NPAT: variants seen among roughly 807,000 people sequenced by gnomAD.
NPAT encodes nuclear protein, coactivator of histone transcription, also known as protein NPAT.
Under a neutral mutation model 130.7 loss-of-function variants are expected in NPAT, and 52 were observed. The observed-to-expected ratio is 0.40, with a 90% CI of 0.32 to 0.50. NPAT has a LOEUF of 0.50. Ranked by LOEUF, NPAT falls within the 20% of genes least tolerant of loss-of-function variation. The pLI, the probability that NPAT is intolerant of heterozygous loss-of-function variation, is 0.68. For synonymous variants in NPAT, 580 were observed against 584.8 expected (o/e 0.99, Z 0.12); for missense variants, 1,687 against 1,662.6 (o/e 1.01, Z -0.26).
Position 108,158,545 on chromosome 11 carries a change from C to CA in NPAT, c.*396dup. On this transcript the variant is annotated 3_prime_UTR_variant, in exon 18 of 18. Coordinates refer to ENST00000278612, the MANE Select transcript of NPAT (RefSeq NM_002519.3). ...TATAAGAATAAGCATCATTTTCCTC[C>CA]AAAACAAGTGAGAAACTATTCCAGA... 1 of 162,982 alleles carries CA rather than the reference C, an allele frequency of 6.1e-6. No homozygotes were observed. The highest frequency in any genetic ancestry group is 2.4e-5 in the African/African-American group (1 of 41,572). 10.1% of individuals were successfully genotyped at this position (162,982 alleles called of 1,614,324 possible).
chr11:108,197,645 TA>T (rs2078236071), intron 1 of NPAT, among the ~76,000 whole-genome samples: 1 of 152,172 alleles, frequency 6.6e-6, no homozygotes, highest in African/African-American at 2.4e-5. Context: ...GCTAAACTAG[TA>T]AAATAAAGTG....
At chr11:108,212,629 A>AAAC (rs544637765) in intron 1 of NPAT, among the ~76,000 whole-genome samples, 81 of 151,824 alleles carry the variant, frequency 5.3e-4, no homozygotes, top group Non-Finnish European at 7.1e-4. Context: ...AAGCCATAAA[A>AAAC]AACAACAACA....
intron 10 of NPAT, among the ~76,000 whole-genome samples, chr11:108,184,668 T>A (rs2134855222): frequency 6.6e-6 from 1 of 152,248 alleles, no homozygotes; most frequent in Admixed American, 6.5e-5. Flanking sequence ...GCTGCTGGGA[T>A]AACAAGCATG....
At chr11:108,194,082 A>T in intron 2 of NPAT, 65 bp from the exon 3 acceptor site, 1 of 878,458 alleles carries the variant, frequency 1.1e-6, no homozygotes, top group Non-Finnish European at 1.9e-6. Flanking sequence ...CTCACAAGAA[A>T]AGATTCTACC....
At chr11:108,199,381 G>A (rs545221146) in intron 1 of NPAT, among the ~76,000 whole-genome samples, 1 of 152,320 alleles carries the variant, frequency 6.6e-6, no homozygotes, top group South Asian at 2.1e-4. Context: ...GGGCAGAGAG[G>A]GCCCAGCAAT....
chr11:108,193,452 G>A (rs1202568506), intron 3 of NPAT, among the ~76,000 whole-genome samples: 1 of 152,130 alleles, frequency 6.6e-6, no homozygotes, highest in Non-Finnish European at 1.5e-5. Flanking sequence ...ATGGCTGGGG[G>A]CAGTGGCTCA....
At chr11:108,200,908 C>A (rs571864537) in intron 1 of NPAT, among the ~76,000 whole-genome samples, 2 of 152,342 alleles carry the variant, frequency 1.3e-5, no homozygotes, top group South Asian at 2.1e-4. Flanking sequence ...TACACCCCAA[C>A]TGCCAGTATT....
rs369721514 is a variant in NPAT at position 108,173,832 on chromosome 11, G to A, written c.1152C>T (p.Pro384=). 2.8e-5 allele frequency: 45 copies of A among 1,614,088 alleles called. No homozygotes were observed. Among genetic ancestry groups the A allele is most frequent in the East Asian group, 2.2e-4 (10 of 44,880 alleles). The change falls in exon 13 of 18, where the codon CCC becomes CCT. Residue 384 remains proline (P), a synonymous_variant. Transcript: ENST00000278612. ...CATTCTGATAGGATGTACAAAAAGC[G>A]GGCTGACCAGACTGACCATCTGCAA... is the stretch of plus-strand genomic sequence containing the variant. ...TEESDGQSGQ[P]AFCTSYQNDD... is the part of the protein sequence containing the mutation.
chr11:108,187,351 C>G (rs1314910742), intron 7 of NPAT, among the ~76,000 whole-genome samples: 2 of 152,078 alleles, frequency 1.3e-5, no homozygotes, highest in African/African-American at 2.4e-5. Flanking sequence ...ACTGGGGAGG[C>G]TAAGGTGGGA....
At chr11:108,214,831 C>T (rs1489048830) in intron 1 of NPAT, among the ~76,000 whole-genome samples, 3 of 152,074 alleles carry the variant, frequency 2.0e-5, no homozygotes, top group Non-Finnish European at 4.4e-5. Context: ...TGGGGTTTTG[C>T]CATGTTGGCC....
At chr11:108,163,138 G>A (rs1164590475) in intron 15 of NPAT, among the ~76,000 whole-genome samples, 3 of 151,926 alleles carry the variant, frequency 2.0e-5, no homozygotes, top group African/African-American at 7.3e-5. Context: ...GGAGTGCAAT[G>A]GCATGATCTT....
intron 10 of NPAT, among the ~76,000 whole-genome samples, chr11:108,177,719 CT>C (rs11330167): frequency 0.53 from 79,655 of 151,060 alleles, 21,743 homozygotes; most frequent in Middle Eastern, 0.74. Flanking sequence ...ATAAAGTTCC[CT>C]TTTTTTTTGT....
chr11:108,222,546 C>T lies in NPAT; in HGVS notation c.-10G>A, dbSNP rs1166880807. On this transcript the variant is annotated 5_prime_UTR_variant, in exon 1 of 18. Coordinates refer to ENST00000278612, the MANE Select transcript of NPAT (RefSeq NM_002519.3). ...CCGAGGGTAACAACATGATCAAAACCACAGCAGGAACCACAATAAGGAACA... is the reference window on the plus strand; with the variant it reads ...CCGAGGGTAACAACATGATCAAAACTACAGCAGGAACCACAATAAGGAACA... 1 of 1,613,862 alleles carries T rather than the reference C, an allele frequency of 6.2e-7. No individual in the cohort carries two copies. Among genetic ancestry groups the T allele is most frequent in the Non-Finnish European group, 8.5e-7 (1 of 1,179,892 alleles).
chr11:108,184,051 A>G (rs1163652706), intron 10 of NPAT, among the ~76,000 whole-genome samples: 1 of 152,078 alleles, frequency 6.6e-6, no homozygotes, highest in Non-Finnish European at 1.5e-5. Context: ...CTCCCTTACT[A>G]GCTCACTCTC....
intron 12 of NPAT, 50 bp downstream of exon 12, chr11:108,176,196 G>A (rs187889833): frequency 1.5e-6 from 2 of 1,329,084 alleles, no homozygotes; most frequent in Middle Eastern, 2.3e-4. Context: ...TGAATTTTGA[G>A]ACTAATATTA....
chr11:108,168,972 G>A (rs1340944102), intron 15 of NPAT, among the ~76,000 whole-genome samples: 2 of 152,124 alleles, frequency 1.3e-5, no homozygotes, highest in Non-Finnish European at 2.9e-5. Flanking sequence ...GGGAGTTGCT[G>A]AAAGTTTTTA....
chr11:108,177,781 C>T (rs558504946), intron 10 of NPAT, among the ~76,000 whole-genome samples: 16 of 152,012 alleles, frequency 1.1e-4, no homozygotes, highest in South Asian at 1.0e-3. Context: ...AATGCAGTGG[C>T]GCAATCACAG....
At chr11:108,197,025 A>T (rs1314603379) in intron 2 of NPAT, among the ~76,000 whole-genome samples, 1 of 152,232 alleles carries the variant, frequency 6.6e-6, no homozygotes, top group Non-Finnish European at 1.5e-5. Flanking sequence ...AGGAAGAAAA[A>T]AAAAGGCTTG....
In NPAT at chr11:108,158,927, A is replaced by T. The variant is rs1324688987; in HGVS notation, c.*15T>A. 6.0e-6 allele frequency: 9 copies of T among 1,501,966 alleles called. No homozygotes were observed. In the African/African-American group the frequency reaches 8.2e-5, roughly 14 times the overall value. 93.0% of individuals were successfully genotyped at this position (1,501,966 alleles called of 1,614,324 possible). A position where few individuals can be genotyped will look rare whatever the true frequency, so the allele number is the denominator to read the frequency against. ...TGAGTTTTTAACACCTACTGTTCTT[A>T]TGTGTCCAGAATGTTTACTCATCAT... is the stretch of plus-strand genomic sequence containing the variant. On this transcript the variant is annotated 3_prime_UTR_variant, in exon 18 of 18. Transcript: ENST00000278612.
Sources: gnomAD v4.1 joint callset for allele counts (sites outside exome capture counted in the v4.1 genomes callset) on GRCh38, gnomAD v4.1.1 for gene constraint, MANE v1.5 for transcripts, NCBI Gene and HGNC (gene_info 2026-07-23, HGNC 2026-07-21) for gene names.